The following RANBP17 variants were observed in gnomAD, a reference collection of about 807,000 sequenced individuals.
RANBP17 encodes the protein RAN binding protein 17.
A neutral mutation model predicts 141.2 loss-of-function variants in RANBP17; 158 were observed. That is an observed-to-expected ratio of 1.12 (90% CI 0.98 to 1.28). The LOEUF is 1.28. Among genes scored for constraint, RANBP17 ranks in the 50% most tolerant of loss-of-function variants. The probability of loss-of-function intolerance (pLI) is 0.00; values close to 1 mark genes in which losing one functional copy is unlikely to be tolerated. For missense variants in RANBP17, 1,438 were observed against 1,290.7 expected (o/e 1.11, Z -1.75); for synonymous variants, 430 against 450.0 (o/e 0.96, Z 0.56).
intron 14 of RANBP17, among the ~76,000 whole-genome samples, chr5:171,114,520 A>G (rs1040393835): frequency 5.3e-5 from 8 of 151,794 alleles, no homozygotes; most frequent in African/African-American, 1.5e-4. Context: ...TTGGGTATAA[A>G]TGTTTATATT....
At chr5:171,030,034 G>T (rs1258053220) in intron 14 of RANBP17, among the ~76,000 whole-genome samples, 1 of 151,832 alleles carries the variant, frequency 6.6e-6, no homozygotes, top group Admixed American at 6.6e-5. Context: ...TCTCCTATTG[G>T]CTAATTTTCC....
chr5:170,964,198 A>G (rs1404481275), intron 13 of RANBP17, among the ~76,000 whole-genome samples: 2 of 152,198 alleles, frequency 1.3e-5, no homozygotes, highest in Admixed American at 1.3e-4. Context: ...ATAATAATTT[A>G]TGCTGTTCGA....
chr5:171,058,987 T>G (rs2127666983), intron 14 of RANBP17, among the ~76,000 whole-genome samples: 1 of 152,116 alleles, frequency 6.6e-6, no homozygotes, highest in Admixed American at 6.5e-5. Flanking sequence ...TTCATGTCCT[T>G]CACCCACTTT....
chr5:171,109,489 C>T (rs931272548), intron 14 of RANBP17, among the ~76,000 whole-genome samples: 13 of 152,180 alleles, frequency 8.5e-5, no homozygotes, highest in Non-Finnish European at 4.4e-5. Flanking sequence ...AGTCGTCCCT[C>T]AGTATCTGTG....
intron 12 of RANBP17, among the ~76,000 whole-genome samples, chr5:170,940,704 T>A (rs1363883008): frequency 2.0e-5 from 3 of 152,148 alleles, no homozygotes; most frequent in Non-Finnish European, 4.4e-5. Context: ...AGTAGCAAGT[T>A]AGTAAATTTA....
At chr5:170,924,240 C>T in intron 11 of RANBP17, 117 bp from the exon 12 acceptor site, 1 of 653,254 alleles carries the variant, frequency 1.5e-6, no homozygotes, top group Non-Finnish European at 2.4e-6. Flanking sequence ...AGTGAACCTC[C>T]TGCCTCTGTC....
At chr5:171,057,788 A>C (rs1445314444) in intron 14 of RANBP17, among the ~76,000 whole-genome samples, 1 of 152,116 alleles carries the variant, frequency 6.6e-6, no homozygotes, top group Non-Finnish European at 1.5e-5. Context: ...AGCAGGGGTA[A>C]TGCCAGATGC....
At chr5:171,011,620 A>G (rs539750671) in intron 14 of RANBP17, among the ~76,000 whole-genome samples, 41 of 152,050 alleles carry the variant, frequency 2.7e-4, no homozygotes, top group Non-Finnish European at 5.6e-4. Context: ...ATGCATACAT[A>G]TGATATATAA....
intron 4 of RANBP17, among the ~76,000 whole-genome samples, chr5:170,893,061 T>C (rs1209119812): frequency 6.6e-6 from 1 of 152,152 alleles, no homozygotes; most frequent in Non-Finnish European, 1.5e-5. Context: ...ACTATATCAG[T>C]TTCTCAAGAA....
chr5:171,183,169 A>C lies in RANBP17; in HGVS notation c.1868A>C (p.Tyr623Ser). 6.7e-7 allele frequency: 1 copy of C among 1,488,354 alleles called. No individual in the cohort carries two copies. Among genetic ancestry groups the C allele is most frequent in the East Asian group, 2.3e-5 (1 of 44,250 alleles). 92.2% of individuals were successfully genotyped at this position (1,488,354 alleles called of 1,614,324 possible). Residue 623 changes from tyrosine to serine, a missense_variant and splice_region_variant, in exon 17 of 28, where the codon TAT (tyrosine) becomes TCT (serine). Tyr to Ser is a moderately radical substitution (Grantham distance 144). Transcript: ENST00000523189. The stretch of plus-strand genomic sequence containing the variant: ...TTAGATTCCTTAACTTCTATTACTT[A>C]TATCCTTTTAAAAAAACTTGTGAAG... ...LQFLNDLSVG[Y>S]ILLKKLVKID...
chr5:170,948,861 A>G (rs901862039), intron 12 of RANBP17, among the ~76,000 whole-genome samples: 3 of 152,136 alleles, frequency 2.0e-5, no homozygotes, highest in Non-Finnish European at 4.4e-5. Flanking sequence ...AGGTAGACAG[A>G]CATATAGGAC....
chr5:171,112,532 A>C (rs760690650), intron 14 of RANBP17, among the ~76,000 whole-genome samples: 13 of 152,046 alleles, frequency 8.6e-5, no homozygotes, highest in Non-Finnish European at 1.5e-4. Context: ...TATTTTGGCT[A>C]TATGAACTCT....
chr5:171,255,668 A>G (rs746486021), intron 24 of RANBP17, among the ~76,000 whole-genome samples: 4 of 152,200 alleles, frequency 2.6e-5, no homozygotes, highest in Non-Finnish European at 4.4e-5. Flanking sequence ...TACTTTTAAA[A>G]CATATAGGGT....
At chr5:170,974,558 A>G (rs894441269) in intron 14 of RANBP17, among the ~76,000 whole-genome samples, 22 of 152,182 alleles carry the variant, frequency 1.4e-4, no homozygotes, top group African/African-American at 5.3e-4. Flanking sequence ...CCAGAGATGA[A>G]TGACTCTGCC....
At position 171,048,459 on chromosome 5, in the gene RANBP17, G is replaced by C. The variant is rs538537928; in HGVS notation, c.1710+80082G>C. Among the ~76,000 whole-genome samples the C allele has an allele frequency of 1.9e-4, 29 of 151,318 alleles. No individual in the cohort carries two copies. In the South Asian group the frequency reaches 6.0e-3, roughly 31 times the overall value. ...TGCAGTTAATTATTACTGATGCTTG[G>C]ATGTAGATCTACCCTTTTCTTTTTT... On this transcript the variant is annotated intron_variant, in intron 14 of 27. Coordinates refer to ENST00000523189, the MANE Select transcript of RANBP17 (RefSeq NM_022897.5).
chr5:171,064,011 C>T (rs987400001), intron 14 of RANBP17, among the ~76,000 whole-genome samples: 6 of 152,236 alleles, frequency 3.9e-5, no homozygotes, highest in Non-Finnish European at 7.3e-5. Flanking sequence ...TTAAGCCCAT[C>T]GGAAAAGCGC....
At chr5:171,230,526 C>T (rs913288671) in intron 22 of RANBP17, among the ~76,000 whole-genome samples, 7 of 152,040 alleles carry the variant, frequency 4.6e-5, no homozygotes, top group African/African-American at 1.4e-4. Context: ...TTTGGAAGGC[C>T]GAGGCGTGTG....
At chr5:171,063,685 C>G (rs1461133705) in intron 14 of RANBP17, among the ~76,000 whole-genome samples, 1 of 152,220 alleles carries the variant, frequency 6.6e-6, no homozygotes, top group East Asian at 1.9e-4. Flanking sequence ...CCACTGCTCT[C>G]TTCAAAGCTC....
In RANBP17 at chr5:171,170,178, G is replaced by A. The variant is rs373416094; in HGVS notation, c.1759G>A (p.Val587Ile). Residue 587 changes from valine (V) to isoleucine (I), a missense_variant, in exon 15 of 28, where the codon GTT becomes ATT. Physicochemically the swap from Val to Ile is conservative, Grantham distance 29. Transcript: ENST00000523189. ...EVLGITDDNH[V>I]LETFMTKIVT... ...CTTAGGAATAACAGATGACAACCAC[G>A]TTCTAGAGACGTTCATGACAAAAAT... 1.5e-5 allele frequency: 23 copies of A among 1,577,742 alleles called. No homozygotes were observed. The Admixed American group carries it at 1.7e-4, about 12-fold the overall frequency.
Sources: allele counts gnomAD v4.1 joint callset (sites outside exome capture counted in the v4.1 genomes callset), GRCh38; gene constraint gnomAD v4.1.1; transcripts MANE v1.5; gene names NCBI Gene and HGNC (gene_info 2026-07-23, HGNC 2026-07-21).